The following RBFOX1 variants were observed in gnomAD, a reference collection of about 807,000 sequenced individuals.
The protein encoded by RBFOX1 is RNA binding fox-1 homolog 1.
A neutral mutation model predicts 57.7 loss-of-function variants in RBFOX1; 8 were observed. The observed-to-expected ratio is 0.14, with a 90% CI of 0.08 to 0.25. The LOEUF (loss-of-function observed/expected upper bound fraction) is 0.25, where lower values mean the gene tolerates loss of function less well. Ranked by LOEUF, RBFOX1 falls within the 10% of genes least tolerant of loss-of-function variation. The pLI, the probability that RBFOX1 is intolerant of heterozygous loss-of-function variation, is 1.00. For synonymous variants in RBFOX1, 326 were observed against 222.4 expected (o/e 1.47, Z -4.15); for missense variants, 611 against 548.5 (o/e 1.11, Z -1.14).
intron 1 of RBFOX1, among the ~76,000 whole-genome samples, chr16:5,309,065 C>A (rs780218090): frequency 6.6e-6 from 1 of 152,132 alleles, no homozygotes; most frequent in East Asian, 1.9e-4. Context: ...CTGTCAACTT[C>A]TTTAAACACA....
At chr16:6,651,466 T>C (rs900582850) in intron 2 of RBFOX1, among the ~76,000 whole-genome samples, 3 of 152,198 alleles carry the variant, frequency 2.0e-5, no homozygotes, top group Admixed American at 1.3e-4. Flanking sequence ...TTTTTCTCCC[T>C]ACTTAAATTT....
At chr16:5,520,001 G>A (rs2043948609) in intron 2 of RBFOX1, among the ~76,000 whole-genome samples, 1 of 152,194 alleles carries the variant, frequency 6.6e-6, no homozygotes, top group African/African-American at 2.4e-5. Context: ...TATTGGAAGT[G>A]GATATTAAAG....
At chr16:6,467,539 G>A (rs776260402) in intron 2 of RBFOX1, among the ~76,000 whole-genome samples, 2 of 152,126 alleles carry the variant, frequency 1.3e-5, no homozygotes, top group Non-Finnish European at 2.9e-5. Flanking sequence ...GTTCTTAGCT[G>A]TAGAATAAAG....
intron 3 of RBFOX1, among the ~76,000 whole-genome samples, chr16:5,637,867 G>C (rs2048734342): frequency 6.6e-6 from 1 of 152,178 alleles, no homozygotes; most frequent in Admixed American, 6.5e-5. Flanking sequence ...TACCGCCTTA[G>C]GTGAAATCTG....
At chr16:6,160,695 G>C (rs8044910) in intron 1 of RBFOX1, among the ~76,000 whole-genome samples, 102,955 of 152,060 alleles carry the variant, frequency 0.68, 35,240 homozygotes, top group Admixed American at 0.73. Context: ...GCAAGGCTCT[G>C]CATAACCTGG....
chr16:5,503,127 T>G (rs1337032995), intron 2 of RBFOX1, among the ~76,000 whole-genome samples: 1 of 152,148 alleles, frequency 6.6e-6, no homozygotes, highest in African/African-American at 2.4e-5. Flanking sequence ...ACCCCCAGGG[T>G]GGAGCCGCAG....
At chr16:6,327,751 A>G (rs552156255) in intron 2 of RBFOX1, among the ~76,000 whole-genome samples, 1 of 152,310 alleles carries the variant, frequency 6.6e-6, no homozygotes, top group Non-Finnish European at 1.5e-5. Context: ...GCAAGACATG[A>G]TTTCTATACA....
At chr16:6,717,750 C>G (rs991984854) in intron 3 of RBFOX1, among the ~76,000 whole-genome samples, 4 of 152,104 alleles carry the variant, frequency 2.6e-5, no homozygotes, top group Non-Finnish European at 5.9e-5. Flanking sequence ...AGGGATGTGT[C>G]ATTAGTATGT....
In RBFOX1 at chr16:6,106,523, C is replaced by T. The variant is rs117419171; in HGVS notation, c.-127+86531C>T. Among the ~76,000 whole-genome samples, 130 of 149,800 alleles carry T rather than the reference C, an allele frequency of 8.7e-4. 1 individual carries two copies. In the East Asian group the frequency reaches 0.021, roughly 24 times the overall value. On this transcript the variant is annotated intron_variant, in intron 1 of 15. Coordinates refer to ENST00000550418, the MANE Select transcript of RBFOX1 (RefSeq NM_018723.4). ...CTCTTATAAATAAAGAATAGTACTG[C>T]GTTAGCACATAAAAATGGGTTGACC...
chr16:7,684,468 A>G (rs1327440466), intron 14 of RBFOX1, among the ~76,000 whole-genome samples: 1 of 152,104 alleles, frequency 6.6e-6, no homozygotes, highest in Non-Finnish European at 1.5e-5. Flanking sequence ...AGATTAACAG[A>G]TTTCTGAAAG....
chr16:6,094,479 T>G (rs1445908625), intron 1 of RBFOX1, among the ~76,000 whole-genome samples: 1 of 152,070 alleles, frequency 6.6e-6, no homozygotes, highest in Non-Finnish European at 1.5e-5. Context: ...AGAGAGAAAC[T>G]GACATGCTCA....
intron 4 of RBFOX1, among the ~76,000 whole-genome samples, chr16:7,140,157 C>CCTCCCTCTCTCTCTCTCT (rs2073300584): frequency 2.3e-4 from 16 of 70,868 alleles, no homozygotes; most frequent in African/African-American, 8.3e-4. Context: ...TCCTTCTCTC[C>CCTCCCTCTCTCTCTCTCT]CTCTCTCTCT....
rs2097212396 is a variant in RBFOX1, at chr16:6,563,504, T to G, written c.-63-91099T>G. Among the ~76,000 whole-genome samples, 6 of 152,282 alleles carry G rather than the reference T, an allele frequency of 3.9e-5. No individual in the cohort carries two copies. In the South Asian group the frequency reaches 1.2e-3, roughly 32 times the overall value. On this transcript the variant is annotated intron_variant, in intron 2 of 15. Coordinates refer to ENST00000550418, the MANE Select transcript of RBFOX1 (RefSeq NM_018723.4). ...AGCCCAGAGTCCCTTACATCTACTCTACCTTGTCTCCCAAGGAAAATACTA... is the reference window on the plus strand; with the variant it reads ...AGCCCAGAGTCCCTTACATCTACTCGACCTTGTCTCCCAAGGAAAATACTA...
intron 3 of RBFOX1, among the ~76,000 whole-genome samples, chr16:6,723,428 C>T (rs1225319654): frequency 6.6e-6 from 1 of 152,096 alleles, no homozygotes; most frequent in East Asian, 1.9e-4. Flanking sequence ...CTCAAAGATA[C>T]ATTATTGGTG....
intron 2 of RBFOX1, among the ~76,000 whole-genome samples, chr16:6,505,793 C>T (rs1162988893): frequency 6.6e-6 from 1 of 152,150 alleles, no homozygotes; most frequent in African/African-American, 2.4e-5. Flanking sequence ...TCCTTGGAGG[C>T]AGTGGTTCTG....
intron 4 of RBFOX1, among the ~76,000 whole-genome samples, chr16:7,091,674 T>C (rs2151124430): frequency 6.6e-6 from 1 of 152,308 alleles, no homozygotes; most frequent in South Asian, 2.1e-4. Context: ...ACTTGTGAAG[T>C]AGCTGCCTGT....
intron 3 of RBFOX1, among the ~76,000 whole-genome samples, chr16:6,675,096 G>C (rs188799095): frequency 1.8e-4 from 28 of 152,004 alleles, no homozygotes; most frequent in African/African-American, 6.8e-4. Context: ...TGTAGAGATG[G>C]GGTTTCACCA....
chr16:7,304,583 C>T (rs1026974621), intron 4 of RBFOX1: 1 of 985,352 alleles, frequency 1.0e-6, no homozygotes, highest in Non-Finnish European at 1.2e-6. Flanking sequence ...TATGTAGGTT[C>T]TGAGGAGGGG....
At chr16:7,421,555 T>C (rs1480085297) in intron 4 of RBFOX1, among the ~76,000 whole-genome samples, 1 of 152,178 alleles carries the variant, frequency 6.6e-6, no homozygotes, top group African/African-American at 2.4e-5. Context: ...ATATTACTGC[T>C]CTGAGCGTAC....
Sources: gnomAD v4.1 joint callset for allele counts (sites outside exome capture counted in the v4.1 genomes callset) on GRCh38, gnomAD v4.1.1 for gene constraint, MANE v1.5 for transcripts, NCBI Gene and HGNC (gene_info 2026-07-23, HGNC 2026-07-21) for gene names.